Variants in LTBP1 observed in about 807,000 individuals in gnomAD.
LTBP1 encodes the protein latent-transforming growth factor beta-binding protein 1.
Under a neutral mutation model 207.6 loss-of-function variants are expected in LTBP1, and 129 were observed. The observed-to-expected ratio is 0.62, with a 90% CI of 0.54 to 0.72. LTBP1 has a LOEUF of 0.72. Among genes scored for constraint, LTBP1 ranks in the 30% least tolerant of loss-of-function variants. The pLI, the probability that LTBP1 is intolerant of heterozygous loss-of-function variation, is 0.00. For missense variants in LTBP1, 2,281 were observed against 2,217.2 expected (o/e 1.03, Z -0.58); for synonymous variants, 963 against 833.7 (o/e 1.16, Z -2.67).
intron 16 of LTBP1, 84 bp from the exon 17 acceptor site, chr2:33,274,881 A>G: frequency 7.5e-7 from 1 of 1,342,096 alleles, no homozygotes; most frequent in Non-Finnish European, 1.0e-6. Flanking sequence ...TACCCAGGGA[A>G]TAGTATGATG....
chr2:33,259,757 CA>C (rs570543366), intron 13 of LTBP1, 147 bp downstream of exon 13: 91 of 623,884 alleles, frequency 1.5e-4, no homozygotes, highest in African/African-American at 1.1e-3. Context: ...TCAGTTATTC[CA>C]AAAAAATTTA....
At chr2:33,038,210 T>G (rs1377901204) in intron 3 of LTBP1, among the ~76,000 whole-genome samples, 1 of 152,232 alleles carries the variant, frequency 6.6e-6, no homozygotes, top group Non-Finnish European at 1.5e-5. Context: ...GGTTAGGAAT[T>G]CTCACCTGAG....
At chr2:33,035,849 C>T (rs1475064870) in intron 3 of LTBP1, among the ~76,000 whole-genome samples, 1 of 152,080 alleles carries the variant, frequency 6.6e-6, no homozygotes, top group Non-Finnish European at 1.5e-5. Context: ...AATAAAAAAA[C>T]CCAAACTGTT....
chr2:33,237,332 G>C (rs2092098324), intron 9 of LTBP1, among the ~76,000 whole-genome samples: 1 of 152,164 alleles, frequency 6.6e-6, no homozygotes, highest in African/African-American at 2.4e-5. Flanking sequence ...ATATTTGGCT[G>C]CAGAACCCCT....
At chr2:32,967,329 A>T (rs1345128218) in intron 2 of LTBP1, among the ~76,000 whole-genome samples, 1 of 151,828 alleles carries the variant, frequency 6.6e-6, no homozygotes, top group Non-Finnish European at 1.5e-5. Context: ...TTTCTGCTCT[A>T]ATTTTCATTA....
intron 5 of LTBP1, among the ~76,000 whole-genome samples, chr2:33,171,432 A>G (rs1027346366): frequency 1.3e-5 from 2 of 148,560 alleles, no homozygotes; most frequent in Admixed American, 6.8e-5. Context: ...AATGAACGAA[A>G]TGAAGCGAGA....
At chr2:33,257,585 C>T in intron 12 of LTBP1, 74 bp downstream of exon 12, 2 of 1,247,438 alleles carry the variant, frequency 1.6e-6, no homozygotes, top group Admixed American at 2.1e-5. Flanking sequence ...TGTTTATAAC[C>T]CTCTAGAACA....
chr2:32,947,098 T>A lies in LTBP1; in HGVS notation c.-227T>A, dbSNP rs1676288560. 3 of 325,698 alleles carry A rather than the reference T, an allele frequency of 9.2e-6. No homozygotes were observed. The highest frequency in any genetic ancestry group is 1.7e-5 in the Non-Finnish European group (3 of 180,736). The allele number at this position is 325,698 out of a possible 1,614,324, so 20.2% of individuals were successfully genotyped here. A position where few individuals can be genotyped will look rare whatever the true frequency, so the allele number is the denominator to read the frequency against. ...CCTCCCCGCTCCCCGGGCTCCGCGC[T>A]CCCCACCCCCACGCCCTCCTCCTGC... On this transcript the variant is annotated 5_prime_UTR_variant, in exon 1 of 34. Transcript: ENST00000404816.
At chr2:33,287,289 T>C (rs1225657841) in intron 19 of LTBP1, among the ~76,000 whole-genome samples, 1 of 152,240 alleles carries the variant, frequency 6.6e-6, no homozygotes, top group East Asian at 1.9e-4. Flanking sequence ...GTGAATGGGC[T>C]AACTAAAGGT....
intron 15 of LTBP1, among the ~76,000 whole-genome samples, chr2:33,271,861 T>G (rs1395289955): frequency 6.6e-6 from 1 of 152,224 alleles, no homozygotes; most frequent in African/African-American, 2.4e-5. Context: ...TGTGTTATTA[T>G]TGCCAGTCAC....
At chr2:32,978,615 G>A (rs1453949148) in intron 2 of LTBP1, among the ~76,000 whole-genome samples, 1 of 149,952 alleles carries the variant, frequency 6.7e-6, no homozygotes, top group Non-Finnish European at 1.5e-5. Context: ...ATTTTGTCTA[G>A]GATTTTTGCA....
At chr2:33,392,687 T>C (rs2095325232) in intron 32 of LTBP1, among the ~76,000 whole-genome samples, 1 of 152,204 alleles carries the variant, frequency 6.6e-6, no homozygotes, top group African/African-American at 2.4e-5. Context: ...CAGAAGTATT[T>C]TGGGGAGCCT....
intron 3 of LTBP1, among the ~76,000 whole-genome samples, chr2:33,035,470 G>C (rs905227500): frequency 1.3e-5 from 2 of 152,202 alleles, no homozygotes; most frequent in African/African-American, 4.8e-5. Flanking sequence ...ATCCGGAAAA[G>C]AGAGCAAGCT....
Position 33,188,749 on chromosome 2 carries a change from C to A in LTBP1, c.1599C>A (p.Thr533=). Residue 533 remains threonine, a synonymous_variant, in exon 7 of 34, where the codon ACC becomes ACA. Coordinates refer to ENST00000404816, the MANE Select transcript of LTBP1 (RefSeq NM_206943.4). ...YQGLPVQKTQ[T]IHSTYSHQQV... is the part of the protein sequence containing the mutation. ...GGCTTCCTGTCCAGAAGACCCAGACCATACATTCCACATACTCCCACCAGC... is the reference window on the plus strand; with the variant it reads ...GGCTTCCTGTCCAGAAGACCCAGACAATACATTCCACATACTCCCACCAGC... 6.2e-7 allele frequency: 1 copy of A among 1,614,168 alleles called. No homozygotes were observed. The highest frequency in any genetic ancestry group is 1.1e-5 in the South Asian group (1 of 91,086).
chr2:33,042,513 T>C (rs13393458), intron 3 of LTBP1, among the ~76,000 whole-genome samples: 19,862 of 152,162 alleles, frequency 0.13, 1,425 homozygotes, highest in South Asian at 0.21. Context: ...CAGGGATTCT[T>C]TTGGTTGCCA....
chr2:33,046,146 C>T (rs1442992509), intron 3 of LTBP1, among the ~76,000 whole-genome samples: 1 of 152,128 alleles, frequency 6.6e-6, no homozygotes, highest in Non-Finnish European at 1.5e-5. Flanking sequence ...ACTTCCAATA[C>T]TATGTTGAAT....
intron 10 of LTBP1, among the ~76,000 whole-genome samples, chr2:33,244,794 C>T (rs1446559399): frequency 1.3e-5 from 2 of 152,152 alleles, no homozygotes; most frequent in African/African-American, 4.8e-5. Context: ...GGCTGCATGG[C>T]AGAAAACTAT....
intron 7 of LTBP1, among the ~76,000 whole-genome samples, chr2:33,204,740 T>A (rs1362620294): frequency 6.6e-6 from 1 of 152,172 alleles, no homozygotes; most frequent in Non-Finnish European, 1.5e-5. Flanking sequence ...CCACCATACC[T>A]GGCCATGGGG....
chr2:33,114,150 A>G (rs1298066161), intron 4 of LTBP1, among the ~76,000 whole-genome samples: 2 of 152,218 alleles, frequency 1.3e-5, no homozygotes, highest in African/African-American at 4.8e-5. Context: ...CCGGTAAAGG[A>G]TATCTCTAGT....
Sources: allele counts gnomAD v4.1 joint callset (sites outside exome capture counted in the v4.1 genomes callset), GRCh38; gene constraint gnomAD v4.1.1; transcripts MANE v1.5; gene names NCBI Gene and HGNC (gene_info 2026-07-23, HGNC 2026-07-21).